CATSPERE: variants seen among roughly 807,000 people sequenced by gnomAD.
CATSPERE encodes catsper channel auxiliary subunit epsilon, also known as cation channel sperm-associated auxiliary subunit epsilon.
In CATSPERE, 93 loss-of-function variants were observed where a neutral mutation model predicts 114.1. The ratio of observed to expected loss-of-function variants is 0.81; its 90% CI spans 0.69 to 0.97. The LOEUF is 0.97. CATSPERE is among the 50% of genes least tolerant of loss of function. CATSPERE has a pLI of 0.00. For missense variants in CATSPERE, 1,058 were observed against 1,131.6 expected (o/e 0.93, Z 0.93); for synonymous variants, 341 against 384.1 (o/e 0.89, Z 1.31).
chr1:244,515,812 A>G lies in CATSPERE; in HGVS notation c.430-2780A>G, dbSNP rs562639437. 2.0e-4 allele frequency among the ~76,000 whole-genome samples: 30 copies of G among 151,410 alleles called. 1 individual carries two copies. The South Asian group carries it at 6.2e-3, about 31-fold the overall frequency. ...ACTAGAAAAATTATTGTTATTTTTAATAACAATACTATTATAATATTTTAA... is the reference window on the plus strand; with the variant it reads ...ACTAGAAAAATTATTGTTATTTTTAGTAACAATACTATTATAATATTTTAA... On this transcript the variant is annotated intron_variant, in intron 7 of 21. Transcript: ENST00000366534.
At chr1:244,463,853 C>T (rs1667184480) in intron 1 of CATSPERE, 55 bp from the exon 2 acceptor site, 2 of 1,421,560 alleles carry the variant, frequency 1.4e-6, no homozygotes, top group South Asian at 1.2e-5. Context: ...AGAGAATCCT[C>T]ATATTTGAAG....
intron 7 of CATSPERE, among the ~76,000 whole-genome samples, chr1:244,499,963 A>C (rs906610280): frequency 2.6e-5 from 4 of 152,222 alleles, no homozygotes; most frequent in African/African-American, 9.6e-5. Context: ...TCCCACCAAC[A>C]GTGTAAAAAC....
At position 244,614,710 on chromosome 1, in the gene CATSPERE, A is replaced by G. The variant is rs74582711; in HGVS notation, c.2491-2819A>G. Among the ~76,000 whole-genome samples, 925 of 152,266 alleles carry G rather than the reference A, an allele frequency of 6.1e-3. 13 individuals carry two copies. Among genetic ancestry groups the G allele is most frequent in the African/African-American group, 0.021 (893 of 41,554 alleles). On this transcript the variant is annotated intron_variant, in intron 19 of 21. Coordinates refer to ENST00000366534, the MANE Select transcript of CATSPERE (RefSeq NM_001130957.2). ...CAGTATCAAGTGGGCCTTCTGCTCCATTTAGTCAGACTGGGTTTTTGGCTC... is the reference window on the plus strand; with the variant it reads ...CAGTATCAAGTGGGCCTTCTGCTCCGTTTAGTCAGACTGGGTTTTTGGCTC...
At chr1:244,451,889 G>A (rs1325171378), upstream of CATSPERE, 15 of 1,393,192 alleles carry the variant, frequency 1.1e-5, no homozygotes, top group East Asian at 4.0e-4. This position sits in a 1 kb window ranked among gnomAD's most constrained non-coding sequence, Gnocchi z 6.6. Flanking sequence ...ACTGCTCTGC[G>A]GCCGCCAGCC....
chr1:244,571,985 TG>T (rs1394429458), intron 10 of CATSPERE, among the ~76,000 whole-genome samples: 1 of 152,152 alleles, frequency 6.6e-6, no homozygotes, highest in Non-Finnish European at 1.5e-5. Flanking sequence ...CACAAGAATT[TG>T]GGGGGACACA....
At chr1:244,519,685 G>T (rs1677208729) in intron 8 of CATSPERE, among the ~76,000 whole-genome samples, 1 of 152,176 alleles carries the variant, frequency 6.6e-6, no homozygotes, top group South Asian at 2.1e-4. Flanking sequence ...GCCAAAATGG[G>T]CTCTGGCCAA....
chr1:244,509,252 T>G (rs2148321751), intron 7 of CATSPERE, among the ~76,000 whole-genome samples: 1 of 151,070 alleles, frequency 6.6e-6, no homozygotes, highest in South Asian at 2.1e-4. Context: ...GTTCCTTCTA[T>G]GCCTAATTTG....
At chr1:244,499,791 CTGCAATAAACATACGTG>C (rs1673733328) in intron 7 of CATSPERE, among the ~76,000 whole-genome samples, 1 of 152,062 alleles carries the variant, frequency 6.6e-6, no homozygotes, top group South Asian at 2.1e-4. Flanking sequence ...GTGAATAGTG[CTGCAATAAACATACGTG>C]TGCATGTGTC....
chr1:244,578,356 T>G (rs1488103810), intron 11 of CATSPERE, among the ~76,000 whole-genome samples: 1 of 152,098 alleles, frequency 6.6e-6, no homozygotes, highest in Non-Finnish European at 1.5e-5. Flanking sequence ...TTTCACGCTG[T>G]TGGCCAGGCT....
chr1:244,625,852 G>A (rs367671385), intron 20 of CATSPERE, among the ~76,000 whole-genome samples: 10 of 150,886 alleles, frequency 6.6e-5, no homozygotes, highest in Admixed American at 1.3e-4. Context: ...GCCTCCCAAA[G>A]TGCTGGGATT....
chr1:244,498,920 A>T, intron 6 of CATSPERE, 82 bp from the exon 7 acceptor site: 1 of 1,024,454 alleles, frequency 9.8e-7, no homozygotes. Context: ...AAATAAAAAC[A>T]TGTTTATGGT....
At chr1:244,614,089 T>C (rs1423716221) in intron 19 of CATSPERE, among the ~76,000 whole-genome samples, 1 of 152,198 alleles carries the variant, frequency 6.6e-6, no homozygotes, top group East Asian at 1.9e-4. Context: ...CCCTTCGACC[T>C]TGGACTTCTC....
intron 8 of CATSPERE, among the ~76,000 whole-genome samples, chr1:244,550,229 T>C (rs1266468668): frequency 6.6e-6 from 1 of 152,200 alleles, no homozygotes; most frequent in African/African-American, 2.4e-5. Context: ...GCTTCCATAA[T>C]CATGTGAAAG....
chr1:244,638,849 C>G (rs1674978086), intron 21 of CATSPERE, among the ~76,000 whole-genome samples: 1 of 152,236 alleles, frequency 6.6e-6, no homozygotes. Context: ...CCGCTTCTCT[C>G]CATGTCTTCG....
Position 244,588,474 on chromosome 1 carries a change from C to G in CATSPERE, c.2086-8C>G, listed in dbSNP as rs1315910022. 1 of 1,605,636 alleles carries G rather than the reference C, an allele frequency of 6.2e-7. No individual in the cohort carries two copies. The highest frequency in any genetic ancestry group is 8.5e-7 in the Non-Finnish European group (1 of 1,172,624). On this transcript the variant is annotated splice_polypyrimidine_tract_variant and splice_region_variant and intron_variant, in intron 13 of 21. Transcript: ENST00000366534. ...GCTGAACTCACTACCTAAGTTACTT[C>G]ATTTTAGGTGTTCCAAATAGCTGTT...
At chr1:244,492,624 G>C (rs1297508786) in intron 6 of CATSPERE, among the ~76,000 whole-genome samples, 1 of 152,116 alleles carries the variant, frequency 6.6e-6, no homozygotes, top group Non-Finnish European at 1.5e-5. Flanking sequence ...GAAACAAAGG[G>C]TATTAAATTG....
intron 4 of CATSPERE, among the ~76,000 whole-genome samples, chr1:244,479,139 G>T (rs889779436): frequency 6.6e-6 from 1 of 151,222 alleles, no homozygotes; most frequent in Non-Finnish European, 1.5e-5. Flanking sequence ...TATTGCCCAG[G>T]CTGGAGTGCA....
intron 8 of CATSPERE, among the ~76,000 whole-genome samples, chr1:244,519,488 CT>C (rs1323941592): frequency 6.6e-6 from 1 of 152,188 alleles, no homozygotes; most frequent in Non-Finnish European, 1.5e-5. Flanking sequence ...TGTGCATGCT[CT>C]CCCCGTGTCT....
intron 8 of CATSPERE, among the ~76,000 whole-genome samples, chr1:244,523,772 A>G (rs1408707596): frequency 2.1e-4 from 30 of 141,860 alleles, no homozygotes; most frequent in Non-Finnish European, 4.4e-4. Flanking sequence ...TAGGAATCCA[A>G]CTTACAAGGG....
Sources: gnomAD v4.1 joint callset for allele counts (sites outside exome capture counted in the v4.1 genomes callset) on GRCh38, gnomAD v4.1.1 for gene constraint, Gnocchi (gnomAD v3.1) non-coding constraint, MANE v1.5 for transcripts, NCBI Gene and HGNC (gene_info 2026-07-23, HGNC 2026-07-21) for gene names.